The following ICAM3 variants were observed in gnomAD, a reference collection of about 807,000 sequenced individuals.
ICAM3 encodes the protein intercellular adhesion molecule 3.
ICAM3 carries 54 observed loss-of-function variants against 43.6 expected under a neutral mutation model. That is an observed-to-expected ratio of 1.24 (90% CI 0.99 to 1.55). ICAM3 has a LOEUF of 1.55. Among genes scored for constraint, ICAM3 ranks in the 40% most tolerant of loss-of-function variants. The probability of loss-of-function intolerance (pLI) is 0.00; values close to 1 mark genes in which losing one functional copy is unlikely to be tolerated. For missense variants in ICAM3, 715 were observed against 717.9 expected (o/e 1.00, Z 0.05); for synonymous variants, 306 against 312.6 (o/e 0.98, Z 0.22).
chr19:10,336,049 AGACAGG>A, intron 2 of ICAM3, 73 bp from the exon 3 acceptor site: 1 of 1,364,720 alleles, frequency 7.3e-7, no homozygotes, highest in Non-Finnish European at 9.8e-7. Context: ...ACTGGGGAGG[AGACAGG>A]GTGGTCCTGC....
chr19:10,334,374 C>A lies in ICAM3; in HGVS notation c.1227G>T (p.Gln409His). The change falls in exon 6 of 7, where the codon CAG becomes CAT. Residue 409 changes from glutamine (Q) to histidine (H), a missense_variant. Gln to His is a conservative substitution (Grantham distance 24). Coordinates refer to ENST00000160262, the MANE Select transcript of ICAM3 (RefSeq NM_002162.5). The surrounding 1 kb of genome is among the most constrained non-coding windows in gnomAD (Gnocchi z 5.5). ...TCGTTTTATCTTTCCATTTCAAGTG[C>A]TGGGGGCATGTGGCTCGGTCAATTT... is the stretch of plus-strand genomic sequence containing the variant. The part of the protein sequence containing the change: ...GPKIDRATCP[Q>H]HLKWKDKTRH... The A allele has an allele frequency of 6.2e-7, 1 of 1,614,152 alleles. No individual in the cohort carries two copies.
In ICAM3 at chr19:10,334,538, C is replaced by G. The variant is rs567833372; in HGVS notation, c.1182G>C (p.Leu394=). ...EFLHRNSSVQ[L]RVLYGPKIDR... is the part of the protein sequence containing the mutation. Reference sequence around the variant, plus strand: ...GGGTGACCGACTCACACAGGACTCGCAGCTGGACGCTACTGTTCCTGTGCA... The same window carrying G: ...GGGTGACCGACTCACACAGGACTCGGAGCTGGACGCTACTGTTCCTGTGCA... The change falls in exon 5 of 7, where the codon CTG becomes CTC. Residue 394 remains leucine, a synonymous_variant. Coordinates refer to ENST00000160262, the MANE Select transcript of ICAM3 (RefSeq NM_002162.5). The surrounding 1 kb of genome is among the most constrained non-coding windows in gnomAD (Gnocchi z 5.5). 2.5e-6 allele frequency: 4 copies of G among 1,609,336 alleles called. No individual in the cohort carries two copies. The highest frequency in any genetic ancestry group is 2.2e-5 in the South Asian group (2 of 90,608).
At position 10,333,980 on chromosome 19, in the gene ICAM3, C is replaced by T. The variant is rs369272188; in HGVS notation, c.1521G>A (p.Met507Ile). The T allele has an allele frequency of 2.5e-6, 4 of 1,614,014 alleles. No individual in the cohort carries two copies. The African/African-American group carries it at 5.3e-5, about 22-fold the overall frequency. ...TCCGTTGGTGCTCCCTGAAGACGTA[C>T]ATTAAGGCCAGTACGATAGTCACCA... ...LGVVTIVLAL[M>I]YVFREHQRSG... The change falls in exon 7 of 7, where the codon ATG (methionine) becomes ATA (isoleucine). Residue 507 changes from methionine to isoleucine, a missense_variant. By Grantham distance (10) the Met-to-Ile change is conservative (BLOSUM62 1). Transcript: ENST00000160262. This position sits in a 1 kb window ranked among gnomAD's most constrained non-coding sequence, Gnocchi z 4.2.
chr19:10,334,966 A>G lies in ICAM3; in HGVS notation c.937+100T>C. 13 of 1,498,336 alleles carry G rather than the reference A, an allele frequency of 8.7e-6. No individual in the cohort carries two copies. The highest frequency in any genetic ancestry group is 1.1e-5 in the Non-Finnish European group (12 of 1,108,768). The allele number at this position is 1,498,336 out of a possible 1,614,324, so 92.8% of individuals were successfully genotyped here. On this transcript the variant is annotated intron_variant, in intron 4 of 6. Transcript: ENST00000160262. The surrounding 1 kb of genome is among the most constrained non-coding windows in gnomAD (Gnocchi z 5.5). ...AGGCCCAACCCACGTTGCAACTGCT[A>G]TTGGGGCAAGCCAGGCCCCACCTTT... is the stretch of plus-strand genomic sequence containing the variant.
At chr19:10,335,597 C>G (rs923656644) in intron 3 of ICAM3, 74 bp downstream of exon 3, 3 of 1,427,328 alleles carry the variant, frequency 2.1e-6, no homozygotes, top group African/African-American at 2.8e-5. Flanking sequence ...ACCCCACTCT[C>G]AGGAACCCCA....
At position 10,334,293 on chromosome 19, in the gene ICAM3, C is replaced by A; in HGVS notation, c.1308G>T (p.Leu436Phe). 1 of 1,614,204 alleles carries A rather than the reference C, an allele frequency of 6.2e-7. No individual in the cohort carries two copies. The highest frequency in any genetic ancestry group is 2.2e-5 in the East Asian group (1 of 44,890). The change falls in exon 6 of 7, where the codon TTG becomes TTT. Residue 436 changes from leucine (L) to phenylalanine (F), a missense_variant. By Grantham distance (22) the Leu-to-Phe change is conservative. Transcript: ENST00000160262. This position sits in a 1 kb window ranked among gnomAD's most constrained non-coding sequence, Gnocchi z 5.5. Reference sequence around the variant, plus strand: ...GCACCTCCCGGCTGGAGCCTTCCTTCAAACACCGCAGCTCGGGGTACGGGT... The same window carrying A: ...GCACCTCCCGGCTGGAGCCTTCCTTAAAACACCGCAGCTCGGGGTACGGGT... ...RGNPYPELRC[L>F]KEGSSREVPV...
rs185282885 is a variant in ICAM3, at chr19:10,336,930, C to A, written c.344-954G>T. 2.3e-3 allele frequency among the ~76,000 whole-genome samples: 331 copies of A among 145,542 alleles called. 2 individuals are homozygous for A. Among genetic ancestry groups the A allele is most frequent in the African/African-American group, 8.2e-3 (317 of 38,852 alleles). Reference sequence around the variant, plus strand: ...TTTGAGACCAACCTGGCCCATATGGCAAAACCCTGTCTCTACTAAAAATAC... The same window carrying A: ...TTTGAGACCAACCTGGCCCATATGGAAAAACCCTGTCTCTACTAAAAATAC... On this transcript the variant is annotated intron_variant, in intron 2 of 6. Coordinates refer to ENST00000160262, the MANE Select transcript of ICAM3 (RefSeq NM_002162.5).
rs1251168072 is a variant in ICAM3 at position 10,335,317 on chromosome 19, C to T, written c.686G>A (p.Arg229Gln). The change falls in exon 4 of 7, where the codon CGG becomes CAG. Residue 229 changes from arginine to glutamine, a missense_variant. Coordinates refer to ENST00000160262, the MANE Select transcript of ICAM3 (RefSeq NM_002162.5). The stretch of plus-strand genomic sequence containing the variant: ...CCACGACGTTTCCACCTCCAAGAAC[C>T]GGGGGGCCACGAGGCGCGGGGGGGT... ...PVTPPRLVAP[R>Q]FLEVETSWPV... The T allele has an allele frequency of 2.5e-6, 4 of 1,611,572 alleles. No homozygotes were observed. Among genetic ancestry groups the T allele is most frequent in the East Asian group, 2.2e-5 (1 of 44,888 alleles).
chr19:10,339,550 A>G lies in ICAM3; in HGVS notation c.65T>C (p.Leu22Pro). 1 of 1,613,890 alleles carries G rather than the reference A, an allele frequency of 6.2e-7. No individual in the cohort carries two copies. The highest frequency in any genetic ancestry group is 1.7e-5 in the Admixed American group (1 of 60,018). Residue 22 changes from leucine to proline, a missense_variant, in exon 1 of 7, where the codon CTG (leucine) becomes CCG (proline). Physicochemically the swap from Leu to Pro is moderately conservative, Grantham distance 98. Transcript: ENST00000160262. Reference sequence around the variant, plus strand: ...TTGACTGGTCTCACCTGGGGTCAGCAGACAGCAGACCAGCAGAGTCCAGCA... The same window carrying G: ...TTGACTGGTCTCACCTGGGGTCAGCGGACAGCAGACCAGCAGAGTCCAGCA... ...RACWTLLVCC[L>P]LTPGVQGQEF...
Position 10,335,894 on chromosome 19 carries a change from C to T in ICAM3, c.426G>A (p.Glu142=), listed in dbSNP as rs1346576231. Residue 142 remains glutamate (E), a synonymous_variant, in exon 3 of 7, where the codon GAG becomes GAA. Coordinates refer to ENST00000160262, the MANE Select transcript of ICAM3 (RefSeq NM_002162.5). ...GQNFTLRCQV[E]DGSPRTSLTV... is the part of the protein sequence containing the mutation. The stretch of plus-strand genomic sequence containing the variant: ...TGAGGCTGGTCCGGGGCGACCCATC[C>T]TCCACTTGGCAGCGCAGGGTGAAGT... 2 of 1,600,722 alleles carry T rather than the reference C, an allele frequency of 1.2e-6. No individual in the cohort carries two copies. The highest frequency in any genetic ancestry group is 2.7e-5 in the African/African-American group (2 of 74,884).
Position 10,335,826 on chromosome 19 carries a change from G to C in ICAM3, c.494C>G (p.Pro165Arg). The C allele has an allele frequency of 1.2e-6, 2 of 1,612,322 alleles. No homozygotes were observed. The highest frequency in any genetic ancestry group is 1.7e-6 in the Non-Finnish European group (2 of 1,179,882). Residue 165 changes from proline (P) to arginine (R), a missense_variant, in exon 3 of 7, where the codon CCC becomes CGC. Transcript: ENST00000160262. ...GACCTCCGCTGGCTCCTCCACTGCGGGCTGCCGGCTCAGCTCCTCCTCCCA... is the reference window on the plus strand; with the variant it reads ...GACCTCCGCTGGCTCCTCCACTGCGCGCTGCCGGCTCAGCTCCTCCTCCCA... ...LRWEEELSRQ[P>R]AVEEPAEVTA... is the part of the protein sequence containing the mutation.
Position 10,333,862 on chromosome 19 carries a change from C to G in ICAM3, c.1639G>C (p.Glu547Gln). 1 of 1,613,498 alleles carries G rather than the reference C, an allele frequency of 6.2e-7. No individual in the cohort carries two copies. The highest frequency in any genetic ancestry group is 1.1e-5 in the South Asian group (1 of 91,066). Residue 547 changes from glutamate (E) to glutamine (Q), a missense_variant, in exon 7 of 7, where the codon GAG (glutamate) becomes CAG (glutamine). Coordinates refer to ENST00000160262, the MANE Select transcript of ICAM3 (RefSeq NM_002162.5). The surrounding 1 kb of genome is among the most constrained non-coding windows in gnomAD (Gnocchi z 4.2). ...TTTGATCCCGGATCCCAGCGTCACT[C>G]AGCTCTGGACGGTTCTTCCCCCATT... ...EAMGEEPSRA[E>Q] is the part of the protein sequence containing the mutation.
At chr19:10,337,575 A>G (rs576016859) in intron 2 of ICAM3, among the ~76,000 whole-genome samples, 3 of 152,186 alleles carry the variant, frequency 2.0e-5, no homozygotes, top group Middle Eastern at 3.4e-3. Context: ...AGGTATAAAA[A>G]AGTGTAAATG....
At position 10,334,296 on chromosome 19, in the gene ICAM3, ACACCG is replaced by A; in HGVS notation, c.1300_1304del (p.Arg434PhefsTer22). The A allele has an allele frequency of 3.7e-6, 6 of 1,614,116 alleles. No homozygotes were observed. Among genetic ancestry groups the A allele is most frequent in the Non-Finnish European group, 5.1e-6 (6 of 1,180,014 alleles). ...CCTCCCGGCTGGAGCCTTCCTTCAA[ACACCG>A]CAGCTCGGGGTACGGGTTGCCCCTG... On this transcript the variant is annotated frameshift_variant, in exon 6 of 7. Coordinates refer to ENST00000160262, the MANE Select transcript of ICAM3 (RefSeq NM_002162.5). LOFTEE classifies it high-confidence loss of function. The surrounding 1 kb of genome is among the most constrained non-coding windows in gnomAD (Gnocchi z 5.5).
At chr19:10,335,513 C>A in intron 3 of ICAM3, 158 bp downstream of exon 3, 2 of 1,103,758 alleles carry the variant, frequency 1.8e-6, no homozygotes, top group Non-Finnish European at 2.5e-6. Context: ...TCCCACGGCT[C>A]GGGCCTCCCT....
In ICAM3 at chr19:10,335,069, A is replaced by G; in HGVS notation, c.934T>C (p.Phe312Leu). 5.0e-6 allele frequency: 8 copies of G among 1,611,914 alleles called. No individual in the cohort carries two copies. The highest frequency in any genetic ancestry group is 6.8e-6 in the Non-Finnish European group (8 of 1,178,822). Residue 312 changes from phenylalanine to leucine, a missense_variant, in exon 4 of 7, where the codon TTT (phenylalanine) becomes CTT (leucine). By Grantham distance (22) the Phe-to-Leu change is conservative. Coordinates refer to ENST00000160262, the MANE Select transcript of ICAM3 (RefSeq NM_002162.5). ...RREARENLTV[F>L]SFLGPIVNLS... ...CCCTTCCCACGCCTCCTCTTACTAAAGACCGTCAAGTTCTCCCGGGCCTCC... is the reference window on the plus strand; with the variant it reads ...CCCTTCCCACGCCTCCTCTTACTAAGGACCGTCAAGTTCTCCCGGGCCTCC...
At position 10,335,372 on chromosome 19, in the gene ICAM3, A is replaced by G; in HGVS notation, c.650-19T>C. On this transcript the variant is annotated intron_variant, in intron 3 of 6. Transcript: ENST00000160262. ...GGCAGGACTGGGGAGAAAGGTGGGC[A>G]TAGTACAACCCCCAGGACTGTGCCT... The G allele has an allele frequency of 6.3e-7, 1 of 1,575,104 alleles. No individual in the cohort carries two copies. Among genetic ancestry groups the G allele is most frequent in the Non-Finnish European group, 8.6e-7 (1 of 1,165,084 alleles).
At chr19:10,335,469 C>T in intron 3 of ICAM3, 116 bp from the exon 4 acceptor site, 2 of 1,149,406 alleles carry the variant, frequency 1.7e-6, no homozygotes. Context: ...ACAGGACACA[C>T]ACACAGGGCC....
At position 10,334,409 on chromosome 19, in the gene ICAM3, C is replaced by G; in HGVS notation, c.1193-1G>C. On this transcript the variant is annotated splice_acceptor_variant, in intron 5 of 6. Transcript: ENST00000160262. LOFTEE classifies it high-confidence loss of function. The surrounding 1 kb of genome is among the most constrained non-coding windows in gnomAD (Gnocchi z 5.5). ...GTGGCTCGGTCAATTTTGGGACCATCTGTGGAACCACCATGTGTGATCAGA... is the reference window on the plus strand; with the variant it reads ...GTGGCTCGGTCAATTTTGGGACCATGTGTGGAACCACCATGTGTGATCAGA... The G allele has an allele frequency of 6.2e-7, 1 of 1,614,018 alleles. No homozygotes were observed. The highest frequency in any genetic ancestry group is 8.5e-7 in the Non-Finnish European group (1 of 1,179,960).
Sources: gnomAD v4.1 joint callset for allele counts (sites outside exome capture counted in the v4.1 genomes callset) on GRCh38, gnomAD v4.1.1 for gene constraint, Gnocchi (gnomAD v3.1) non-coding constraint, MANE v1.5 for transcripts, NCBI Gene and HGNC (gene_info 2026-07-23, HGNC 2026-07-21) for gene names.